Variants in CDH15 observed in about 807,000 individuals in gnomAD.
CDH15 encodes cadherin 15.
CDH15 carries 73 observed loss-of-function variants against 69.4 expected under a neutral mutation model. That is an observed-to-expected ratio of 1.05 (90% CI 0.87 to 1.28). The LOEUF (loss-of-function observed/expected upper bound fraction) is 1.28. Ranked by LOEUF, CDH15 falls within the 50% of genes most tolerant of loss-of-function variation. The pLI is 0.00. For synonymous variants in CDH15, 624 were observed against 507.7 expected (o/e 1.23, Z -3.08); for missense variants, 1,343 against 1,133.6 (o/e 1.18, Z -2.65).
intron 1 of CDH15, among the ~76,000 whole-genome samples, chr16:89,176,061 G>A (rs1022728233): frequency 2.0e-5 from 3 of 152,228 alleles, no homozygotes; most frequent in Non-Finnish European, 2.9e-5. Flanking sequence ...GGCCTTGCTC[G>A]TCCACACAGG....
At chr16:89,176,411 T>C (rs1383363790) in intron 1 of CDH15, among the ~76,000 whole-genome samples, 1 of 152,158 alleles carries the variant, frequency 6.6e-6, no homozygotes, top group East Asian at 1.9e-4. Flanking sequence ...GGCCCAGCTC[T>C]GACCCCCCGG....
Position 89,171,759 on chromosome 16 carries a change from G to T in CDH15, c.-73G>T. 2 of 1,443,022 alleles carry T rather than the reference G, an allele frequency of 1.4e-6. No individual in the cohort carries two copies. The highest frequency in any genetic ancestry group is 5.4e-5 in the East Asian group (2 of 36,772). 89.4% of individuals were successfully genotyped at this position (1,443,022 alleles called of 1,614,324 possible). On this transcript the variant is annotated 5_prime_UTR_variant, in exon 1 of 14. Transcript: ENST00000289746. ...TGGCCCTGGCCCGCCCCGCGCACTT[G>T]CGCTGTCACTCAGCCTGGACGCGCT...
intron 5 of CDH15, among the ~76,000 whole-genome samples, chr16:89,187,047 C>G (rs953113124): frequency 6.6e-6 from 1 of 151,990 alleles, no homozygotes; most frequent in Admixed American, 6.6e-5. Context: ...AGTAGGTGCT[C>G]TGTAAACGCT....
At position 89,195,400 on chromosome 16, in the gene CDH15, C is replaced by T. The variant is rs565990588; in HGVS notation, c.*245C>T. 9.2e-6 allele frequency: 5 copies of T among 543,536 alleles called. No individual in the cohort carries two copies. The highest frequency in any genetic ancestry group is 1.9e-5 in the African/African-American group (1 of 53,294). The allele number at this position is 543,536 out of a possible 1,614,324, so 33.7% of individuals were successfully genotyped here. On this transcript the variant is annotated 3_prime_UTR_variant, in exon 14 of 14. Transcript: ENST00000289746. ...ATGCGGGTCACCTCCCTAGTCCCACCTTTGCCTCCTACCAGTGAACCTCAT... is the reference window on the plus strand; with the variant it reads ...ATGCGGGTCACCTCCCTAGTCCCACTTTTGCCTCCTACCAGTGAACCTCAT...
At chr16:89,181,134 A>G (rs973238873) in intron 3 of CDH15, among the ~76,000 whole-genome samples, 2 of 151,886 alleles carry the variant, frequency 1.3e-5, no homozygotes, top group African/African-American at 2.4e-5. Context: ...GTGCCCAGTT[A>G]ATTTTTGTAT....
chr16:89,183,832 T>G (rs1232820556), intron 4 of CDH15, 140 bp downstream of exon 4: 1 of 892,144 alleles, frequency 1.1e-6, no homozygotes, highest in Non-Finnish European at 1.7e-6. Context: ...CAGGTCCGTT[T>G]CCACAGGTCA....
Position 89,191,419 on chromosome 16 carries a change from C to T in CDH15, c.1322C>T (p.Ser441Phe), listed in dbSNP as rs753912698. The change falls in exon 9 of 14, where the codon TCC becomes TTC. Residue 441 changes from serine to phenylalanine, a missense_variant. By Grantham distance (155) the Ser-to-Phe change is radical. Coordinates refer to ENST00000289746, the MANE Select transcript of CDH15 (RefSeq NM_004933.3). ...IQTQHVLSPA[S>F]PFLKGGWYRA... ...ACCCAGCACGTGCTCAGCCCGGCGT[C>T]CCCCTTCCTCAAGGGCGGCTGGTAC... 4 of 1,612,750 alleles carry T rather than the reference C, an allele frequency of 2.5e-6. No homozygotes were observed. The highest frequency in any genetic ancestry group is 2.2e-5 in the South Asian group (2 of 91,082).
At chr16:89,188,004 AGGGTGG>A in intron 6 of CDH15, 90 bp from the exon 7 acceptor site, 21 of 879,414 alleles carry the variant, frequency 2.4e-5, no homozygotes, top group Middle Eastern at 3.7e-4. Context: ...GGCAGGAGGG[AGGGTGG>A]GAGGGGAGGG....
chr16:89,184,694 C>T (rs764733664), intron 4 of CDH15, among the ~76,000 whole-genome samples: 56 of 151,988 alleles, frequency 3.7e-4, no homozygotes, highest in Non-Finnish European at 5.0e-4. Context: ...CCAGCCTGCC[C>T]GTGCGTCCTC....
At chr16:89,188,059 C>T (rs1230677784) in intron 6 of CDH15, 41 bp from the exon 7 acceptor site, 2 of 1,566,460 alleles carry the variant, frequency 1.3e-6, no homozygotes, top group South Asian at 1.2e-5. Flanking sequence ...ATGCTGTCCC[C>T]CCAGCCCTGC....
At position 89,176,708 on chromosome 16, in the gene CDH15, C is replaced by T. The variant is rs375782863; in HGVS notation, c.43-2708C>T. Among the ~76,000 whole-genome samples the T allele has an allele frequency of 2.0e-4, 30 of 149,980 alleles. 1 individual carries two copies. The highest frequency in any genetic ancestry group is 1.5e-3 in the East Asian group (8 of 5,172). On this transcript the variant is annotated intron_variant, in intron 1 of 13. Transcript: ENST00000289746. ...GGAGCTCAGGAGCAGGCCGCGAAGA[C>T]GGTGATGTGGAGATGGGGAAGGAGC...
Position 89,179,517 on chromosome 16 carries a change from C to T in CDH15, c.144C>T (p.Val48=). ...TGAGCCGCGTGCGGAGGGCCTGGGT[C>T]ATCCCCCCGATCAGCGTATCCGAGA... ...PALSRVRRAW[V]IPPISVSENH... is the part of the protein sequence containing the mutation. The change falls in exon 2 of 14, where the codon GTC becomes GTT. Residue 48 remains valine (V), a synonymous_variant. Coordinates refer to ENST00000289746, the MANE Select transcript of CDH15 (RefSeq NM_004933.3). 1 of 1,612,818 alleles carries T rather than the reference C, an allele frequency of 6.2e-7. No homozygotes were observed. The highest frequency in any genetic ancestry group is 8.5e-7 in the Non-Finnish European group (1 of 1,179,542).
intron 11 of CDH15, 146 bp from the exon 12 acceptor site, chr16:89,193,324 C>A: frequency 1.4e-6 from 1 of 709,658 alleles, no homozygotes; most frequent in Non-Finnish European, 2.3e-6. Context: ...GCCAGACACG[C>A]CCTTTCCCCA....
At position 89,190,399 on chromosome 16, in the gene CDH15, C is replaced by A. The variant is rs763316787; in HGVS notation, c.1135C>A (p.Pro379Thr). Residue 379 changes from proline (P) to threonine (T), a missense_variant, in exon 8 of 14, where the codon CCA (proline) becomes ACA (threonine). Coordinates refer to ENST00000289746, the MANE Select transcript of CDH15 (RefSeq NM_004933.3). ...TNEPPVFQEN[P>T]LRTSLAEGAP... ...CGAGCCCCCCGTGTTCCAGGAGAACCCACTTCGGACCAGCCTAGCAGAGGG... is the reference window on the plus strand; with the variant it reads ...CGAGCCCCCCGTGTTCCAGGAGAACACACTTCGGACCAGCCTAGCAGAGGG... 3.1e-6 allele frequency: 5 copies of A among 1,612,504 alleles called. No homozygotes were observed. Among genetic ancestry groups the A allele is most frequent in the Non-Finnish European group, 4.2e-6 (5 of 1,179,894 alleles).
chr16:89,194,732 C>A, intron 13 of CDH15, 130 bp from the exon 14 acceptor site: 2 of 899,608 alleles, frequency 2.2e-6, no homozygotes, highest in Non-Finnish European at 3.5e-6. Context: ...TCAGACCTCG[C>A]CCCCGGACGT....
intron 3 of CDH15, 177 bp from the exon 4 acceptor site, chr16:89,183,371 C>G (rs1036715419): frequency 1.2e-5 from 8 of 689,272 alleles, no homozygotes; most frequent in Non-Finnish European, 1.7e-5. Flanking sequence ...GGCTCCCGTT[C>G]AGGGACGTCC....
chr16:89,186,514 A>G (rs1326300698), intron 5 of CDH15, among the ~76,000 whole-genome samples: 9 of 139,012 alleles, frequency 6.5e-5, no homozygotes, highest in Non-Finnish European at 1.1e-4. Flanking sequence ...ACGCTTACCC[A>G]GCGCACAGTA....
At position 89,193,925 on chromosome 16, in the gene CDH15, T is replaced by G. The variant is rs758286274; in HGVS notation, c.2151+12T>G. On this transcript the variant is annotated intron_variant, in intron 13 of 13. Coordinates refer to ENST00000289746, the MANE Select transcript of CDH15 (RefSeq NM_004933.3). ...ACTTCATCAATGATGTAGGTGCTCC[T>G]GGGGACACCCCAGTACACACAGGCA... 15 of 1,611,516 alleles carry G rather than the reference T, an allele frequency of 9.3e-6. No individual in the cohort carries two copies. In the Admixed American group the frequency reaches 2.5e-4, roughly 27 times the overall value.
At chr16:89,189,981 C>T (rs1915600292) in intron 7 of CDH15, among the ~76,000 whole-genome samples, 1 of 152,282 alleles carries the variant, frequency 6.6e-6, no homozygotes, top group East Asian at 1.9e-4. Flanking sequence ...GCGCCATCCC[C>T]CAACGGCCCT....
Sources: gnomAD v4.1 joint callset for allele counts (sites outside exome capture counted in the v4.1 genomes callset) on GRCh38, gnomAD v4.1.1 for gene constraint, MANE v1.5 for transcripts, NCBI Gene and HGNC (gene_info 2026-07-23, HGNC 2026-07-21) for gene names.